The following TFPI variants were observed in gnomAD, a reference collection of about 807,000 sequenced individuals.
The protein encoded by TFPI is tissue factor pathway inhibitor, also known as anti-convertin.
In TFPI, 15 loss-of-function variants were observed where a neutral mutation model predicts 34.6. That is an observed-to-expected ratio of 0.43 (90% confidence interval 0.29 to 0.67). The LOEUF (loss-of-function observed/expected upper bound fraction) is 0.67. TFPI is among the 30% of genes least tolerant of loss of function. TFPI has a pLI of 0.15. For synonymous variants in TFPI, 105 were observed against 120.1 expected, an observed-to-expected ratio of 0.87 and a Z score of 0.82; for missense variants, 301 against 364.0, an observed-to-expected ratio of 0.83 and a Z score of 1.41.
At chr2:187,547,940 G>C (rs991953093) in intron 1 of TFPI, among the ~76,000 whole-genome samples, 1 of 152,006 alleles carries the variant, frequency 6.6e-6, no homozygotes, top group Non-Finnish European at 1.5e-5. Flanking sequence ...GGTGACCAGA[G>C]ATTTGATATT....
chr2:187,479,161 G>A (rs1574382011), intron 6 of TFPI, among the ~76,000 whole-genome samples: 3 of 152,120 alleles, frequency 2.0e-5, no homozygotes, highest in Non-Finnish European at 4.4e-5. Flanking sequence ...TAATGAAAAG[G>A]CCAATTTGAA....
At chr2:187,508,409 C>T (rs933143111) in intron 1 of TFPI, among the ~76,000 whole-genome samples, 11 of 152,066 alleles carry the variant, frequency 7.2e-5, no homozygotes, top group South Asian at 2.1e-4. Flanking sequence ...GCAGTATGGC[C>T]ATTTTTCAAT....
chr2:187,553,124 TG>T (rs1689152206), intron 1 of TFPI, among the ~76,000 whole-genome samples: 1 of 152,042 alleles, frequency 6.6e-6, no homozygotes, highest in Non-Finnish European at 1.5e-5. Context: ...CTTTAAAATG[TG>T]TTAGGGAGAT....
At chr2:187,483,917 C>G in intron 6 of TFPI, 1 of 521,026 alleles carries the variant, frequency 1.9e-6, no homozygotes, top group Non-Finnish European at 3.3e-6. Flanking sequence ...TACTTCAAAG[C>G]ATACTTTAAA....
intron 1 of TFPI, among the ~76,000 whole-genome samples, chr2:187,542,507 CTT>C (rs754745479): frequency 6.6e-6 from 1 of 151,978 alleles, no homozygotes; most frequent in African/African-American, 2.4e-5. Flanking sequence ...AAGCAGTAGA[CTT>C]TTAAAAATGT....
At position 187,500,523 on chromosome 2, in the gene TFPI, CA is replaced by C. The variant is rs1182867031; in HGVS notation, c.121+3124del. Among the ~76,000 whole-genome samples, 4 of 152,164 alleles carry C rather than the reference CA, an allele frequency of 2.6e-5. No homozygotes were observed. The East Asian group carries it at 7.7e-4, about 29-fold the overall frequency. On this transcript the variant is annotated intron_variant, in intron 2 of 7. Transcript: ENST00000233156. Reference sequence around the variant, plus strand: ...TATATAATTTCCACTCAATCAACAACATTTTTTTTCAAACATTCACCTTTAT... The same window carrying C: ...TATATAATTTCCACTCAATCAACAACTTTTTTTTCAAACATTCACCTTTAT...
intron 2 of TFPI, among the ~76,000 whole-genome samples, chr2:187,502,036 T>C (rs927887025): frequency 6.6e-6 from 1 of 152,130 alleles, no homozygotes; most frequent in Non-Finnish European, 1.5e-5. Flanking sequence ...ATCTCCTAAA[T>C]AGAATTTTTT....
At chr2:187,477,934 A>C (rs1559100038) in intron 6 of TFPI, among the ~76,000 whole-genome samples, 2 of 152,158 alleles carry the variant, frequency 1.3e-5, no homozygotes, top group African/African-American at 4.8e-5. Context: ...GGAGGCTGGC[A>C]GGAGGCAATG....
At chr2:187,534,076 A>C (rs563911636) in intron 1 of TFPI, among the ~76,000 whole-genome samples, 1 of 152,312 alleles carries the variant, frequency 6.6e-6, no homozygotes, top group African/African-American at 2.4e-5. Context: ...GAATGAAAAG[A>C]CCAAACCCAC....
intron 4 of TFPI, among the ~76,000 whole-genome samples, chr2:187,485,815 G>C (rs1693219865): frequency 6.6e-6 from 1 of 151,638 alleles, no homozygotes; most frequent in South Asian, 2.1e-4. Flanking sequence ...GGCGTATTGG[G>C]CTTGAATTTT....
chr2:187,488,694 A>T (rs1693475083), intron 3 of TFPI, among the ~76,000 whole-genome samples: 1 of 151,498 alleles, frequency 6.6e-6, no homozygotes, highest in South Asian at 2.1e-4. Flanking sequence ...CAATTATTTT[A>T]AAAATGTGAA....
chr2:187,472,738 G>A (rs558835976), intron 6 of TFPI, among the ~76,000 whole-genome samples: 23 of 152,268 alleles, frequency 1.5e-4, no homozygotes, highest in Admixed American at 6.5e-4. Context: ...ACGGCCAGGC[G>A]TGGTGGCTCA....
chr2:187,526,286 A>G (rs1687671904), intron 1 of TFPI, among the ~76,000 whole-genome samples: 1 of 152,168 alleles, frequency 6.6e-6, no homozygotes. Flanking sequence ...ATGGGAGCTT[A>G]GATTTGAAAG....
intron 3 of TFPI, among the ~76,000 whole-genome samples, chr2:187,490,275 T>C (rs1685030561): frequency 6.6e-6 from 1 of 151,744 alleles, no homozygotes; most frequent in African/African-American, 2.4e-5. Flanking sequence ...GTTGTTCAAA[T>C]CTTTTATATC....
intron 1 of TFPI, among the ~76,000 whole-genome samples, chr2:187,553,194 AC>A (rs34538902): frequency 0.22 from 34,033 of 151,814 alleles, 4,005 homozygotes; most frequent in Middle Eastern, 0.29. Flanking sequence ...AATTGTCACA[AC>A]TTTCCCCCTT....
Position 187,465,894 on chromosome 2 carries a change from C to T in TFPI, c.*1042G>A, listed in dbSNP as rs1466730102. 4 of 151,966 alleles carry T rather than the reference C, an allele frequency of 2.6e-5. No homozygotes were observed. The East Asian group carries it at 7.7e-4, about 29-fold the overall frequency. 9.4% of individuals were successfully genotyped at this position (151,966 alleles called of 1,614,324 possible). A position where few individuals can be genotyped will look rare whatever the true frequency, so the allele number is the denominator to read the frequency against. Reference sequence around the variant, plus strand: ...TTGAGATGCCAGACTGCACATGGCTCAGCAATAAATGAAAGATACAGGTCT... The same window carrying T: ...TTGAGATGCCAGACTGCACATGGCTTAGCAATAAATGAAAGATACAGGTCT... On this transcript the variant is annotated 3_prime_UTR_variant, in exon 8 of 8. Transcript: ENST00000233156.
At chr2:187,500,021 A>T (rs1685747743) in intron 2 of TFPI, among the ~76,000 whole-genome samples, 1 of 152,078 alleles carries the variant, frequency 6.6e-6, no homozygotes, top group Non-Finnish European at 1.5e-5. Flanking sequence ...TCTACTTTTT[A>T]TTCTTAATAT....
chr2:187,476,003 T>G (rs8176545), intron 6 of TFPI, among the ~76,000 whole-genome samples: 5,367 of 152,236 alleles, frequency 0.035, 180 homozygotes, highest in African/African-American at 0.082. Flanking sequence ...AAATATGTCA[T>G]CATACAAGGA....
chr2:187,495,955 A>C (rs1480918317), intron 3 of TFPI, among the ~76,000 whole-genome samples: 1 of 152,084 alleles, frequency 6.6e-6, no homozygotes, highest in African/African-American at 2.4e-5. Context: ...AACATTCAAA[A>C]TTTTGGTCAG....
Sources: allele counts gnomAD v4.1 joint callset (sites outside exome capture counted in the v4.1 genomes callset), GRCh38; gene constraint gnomAD v4.1.1; transcripts MANE v1.5; gene names NCBI Gene and HGNC (gene_info 2026-07-23, HGNC 2026-07-21).